Variants in BPI observed in about 807,000 individuals in gnomAD.
BPI encodes bactericidal permeability increasing protein.
A neutral mutation model predicts 57.6 loss-of-function variants in BPI; 48 were observed. That is an observed-to-expected ratio of 0.83 (90% CI 0.66 to 1.06). The LOEUF is 1.06. BPI is among the 50% of genes least tolerant of loss of function. BPI has a pLI of 0.00. For missense variants in BPI, 651 were observed against 609.7 expected (o/e 1.07, Z -0.71); for synonymous variants, 237 against 238.2 (o/e 0.99, Z 0.05).
chr20:38,311,007 G>C (rs1314603721), intron 4 of BPI, among the ~76,000 whole-genome samples: 3 of 152,304 alleles, frequency 2.0e-5, no homozygotes, highest in South Asian at 4.1e-4. Flanking sequence ...TCTGCACCAG[G>C]CTCGTGCAAC....
intron 4 of BPI, among the ~76,000 whole-genome samples, chr20:38,311,241 A>G (rs1273404504): frequency 6.6e-6 from 1 of 152,250 alleles, no homozygotes; most frequent in Non-Finnish European, 1.5e-5. Context: ...GTTCAAGTCC[A>G]GGTCTATTTC....
chr20:38,330,444 T>C (rs1315961421), intron 11 of BPI, among the ~76,000 whole-genome samples: 1 of 152,176 alleles, frequency 6.6e-6, no homozygotes, highest in Non-Finnish European at 1.5e-5. Context: ...CAGCCATATG[T>C]TCCCCCCTTC....
chr20:38,330,901 G>A (rs1384306371), intron 11 of BPI, 147 bp from the exon 12 acceptor site: 21 of 855,098 alleles, frequency 2.5e-5, no homozygotes, highest in Non-Finnish European at 3.6e-5. Flanking sequence ...AGGCAACATC[G>A]GGGGGCTGTG....
intron 6 of BPI, 44 bp downstream of exon 6, chr20:38,318,520 G>A: frequency 1.3e-6 from 2 of 1,594,228 alleles, no homozygotes; most frequent in Non-Finnish European, 1.7e-6. Flanking sequence ...AACAGAAATG[G>A]GAGGGGGTGA....
At chr20:38,319,979 A>G (rs2076672751) in intron 6 of BPI, 1 of 577,522 alleles carries the variant, frequency 1.7e-6, no homozygotes, top group African/African-American at 1.9e-5. Context: ...TTGGAAGAAG[A>G]GAGTAAGGGG....
intron 9 of BPI, 52 bp from the exon 10 acceptor site, chr20:38,326,213 C>T (rs1029291966): frequency 1.7e-5 from 27 of 1,560,294 alleles, no homozygotes; most frequent in Non-Finnish European, 2.3e-5. Flanking sequence ...GATTCAGAAA[C>T]ATTTTAACAG....
At chr20:38,312,277 C>G (rs1399984836) in intron 5 of BPI, among the ~76,000 whole-genome samples, 1 of 152,198 alleles carries the variant, frequency 6.6e-6, no homozygotes, top group Non-Finnish European at 1.5e-5. Context: ...CTCCCTCCAC[C>G]CCACCCACCC....
At chr20:38,330,998 A>T in intron 11 of BPI, 50 bp from the exon 12 acceptor site, 1 of 1,601,458 alleles carries the variant, frequency 6.2e-7, no homozygotes, top group Non-Finnish European at 8.6e-7. Flanking sequence ...CTGGGTTCTC[A>T]TGCTAGTCAG....
intron 6 of BPI, among the ~76,000 whole-genome samples, chr20:38,319,063 T>C (rs777109897): frequency 4.6e-5 from 7 of 152,092 alleles, no homozygotes; most frequent in Non-Finnish European, 1.0e-4. Context: ...GGAGAAACCC[T>C]GTCCCTACTA....
intron 5 of BPI, among the ~76,000 whole-genome samples, chr20:38,313,728 T>A (rs1277032633): frequency 6.6e-6 from 1 of 151,808 alleles, no homozygotes; most frequent in African/African-American, 2.4e-5. Context: ...ATGGTGATGA[T>A]GGTGATGGTG....
chr20:38,313,983 G>A (rs561003175), intron 5 of BPI, among the ~76,000 whole-genome samples: 9 of 151,598 alleles, frequency 5.9e-5, no homozygotes, highest in African/African-American at 2.2e-4. Flanking sequence ...TGAGGTTGAT[G>A]GTGATTATGT....
chr20:38,314,294 GATA>G (rs202153427), intron 5 of BPI, among the ~76,000 whole-genome samples: 1 of 147,444 alleles, frequency 6.8e-6, no homozygotes, highest in Admixed American at 6.7e-5. Flanking sequence ...TGGGGATGAT[GATA>G]ATGATGATGG....
chr20:38,333,348 C>CA (rs2076751390), intron 12 of BPI, among the ~76,000 whole-genome samples: 1 of 152,122 alleles, frequency 6.6e-6, no homozygotes, highest in South Asian at 2.1e-4. Context: ...GTTCCAGAAA[C>CA]AAAAATGTAT....
At chr20:38,320,510 C>T (rs191499975) in intron 7 of BPI, among the ~76,000 whole-genome samples, 1 of 151,756 alleles carries the variant, frequency 6.6e-6, no homozygotes, top group Non-Finnish European at 1.5e-5. Context: ...GCTTTTTCCT[C>T]CGCCTGGGTA....
chr20:38,306,962 C>A (rs1433137923), intron 1 of BPI, among the ~76,000 whole-genome samples: 2 of 151,982 alleles, frequency 1.3e-5, no homozygotes, highest in Non-Finnish European at 2.9e-5. Context: ...GTGAGAGGAT[C>A]ACTTGAGCCC....
intron 1 of BPI, 114 bp from the exon 2 acceptor site, chr20:38,307,453 C>T: frequency 2.8e-6 from 2 of 705,990 alleles, no homozygotes; most frequent in Non-Finnish European, 4.7e-6. Context: ...TTTGACCCTT[C>T]CAGTGCCACT....
chr20:38,320,230 G>A lies in BPI; in HGVS notation c.712G>A (p.Ala238Thr), dbSNP rs773346337. 1.9e-6 allele frequency: 3 copies of A among 1,614,068 alleles called. No individual in the cohort carries two copies. Among genetic ancestry groups the A allele is most frequent in the South Asian group, 2.2e-5 (2 of 91,070 alleles). The change falls in exon 7 of 15, where the codon GCA becomes ACA. Residue 238 changes from alanine (A) to threonine (T), a missense_variant. Ala to Thr is a moderately conservative substitution (Grantham distance 58). Coordinates refer to ENST00000642449, the MANE Select transcript of BPI (RefSeq NM_001725.3). ...SVAGINYGLV[A>T]PPATTAETLD... The stretch of plus-strand genomic sequence containing the variant: ...GGCTGGAATCAACTATGGTCTGGTG[G>A]CACCTCCAGCAACCACGGCTGAGAC...
At chr20:38,307,392 G>C (rs1029784361) in intron 1 of BPI, among the ~76,000 whole-genome samples, 175 bp from the exon 2 acceptor site, 2 of 152,176 alleles carry the variant, frequency 1.3e-5, no homozygotes, top group African/African-American at 4.8e-5. Flanking sequence ...TTCCTATAAA[G>C]GGTCAGTTTA....
rs771920943 is a variant in BPI at position 38,307,708 on chromosome 20, G to A, written c.245+27G>A. On this transcript the variant is annotated intron_variant, in intron 2 of 14. Transcript: ENST00000642449. Reference sequence around the variant, plus strand: ...TGAGGCCTATCAGAGCTCAATCCTCGATTTGCAGGACTTGTAGTGTTCTGG... The same window carrying A: ...TGAGGCCTATCAGAGCTCAATCCTCAATTTGCAGGACTTGTAGTGTTCTGG... The A allele has an allele frequency of 3.3e-5, 51 of 1,559,692 alleles. No individual in the cohort carries two copies. The South Asian group carries it at 4.5e-4, about 14-fold the overall frequency.
Sources: allele counts gnomAD v4.1 joint callset (sites outside exome capture counted in the v4.1 genomes callset), GRCh38; gene constraint gnomAD v4.1.1; transcripts MANE v1.5; gene names NCBI Gene and HGNC (gene_info 2026-07-23, HGNC 2026-07-21).